The following SH3BP4 variants were observed in gnomAD, a reference collection of about 807,000 sequenced individuals.
SH3BP4 encodes SH3 domain-binding protein 4.
SH3BP4 carries 33 observed loss-of-function variants against 65.5 expected under a neutral mutation model. The ratio of observed to expected loss-of-function variants is 0.50; its 90% CI spans 0.38 to 0.67. SH3BP4 has a LOEUF of 0.67. SH3BP4 is among the 30% of genes least tolerant of loss of function. The probability of loss-of-function intolerance (pLI) is 0.00; values close to 1 mark genes in which losing one functional copy is unlikely to be tolerated. For synonymous variants in SH3BP4, 552 were observed against 545.5 expected (o/e 1.01, Z -0.17); for missense variants, 1,134 against 1,261.4 (o/e 0.90, Z 1.53).
intron 1 of SH3BP4, among the ~76,000 whole-genome samples, chr2:234,964,116 A>G (rs1574774580): frequency 6.6e-6 from 1 of 152,280 alleles, no homozygotes; most frequent in East Asian, 1.9e-4. Flanking sequence ...TATAGGTAAC[A>G]TGAGGCAGCA....
chr2:234,986,331 T>C (rs1693558842), intron 1 of SH3BP4, among the ~76,000 whole-genome samples: 1 of 152,224 alleles, frequency 6.6e-6, no homozygotes, highest in Non-Finnish European at 1.5e-5. Flanking sequence ...AACATACTGA[T>C]GTTTCCCAGA....
intron 4 of SH3BP4, among the ~76,000 whole-genome samples, chr2:235,050,003 C>T (rs1381325062): frequency 1.3e-5 from 2 of 152,104 alleles, no homozygotes; most frequent in East Asian, 3.9e-4. Flanking sequence ...ACCCACTTCC[C>T]CTCTCTCAGC....
intron 2 of SH3BP4, among the ~76,000 whole-genome samples, chr2:235,011,625 A>T (rs1694508495): frequency 6.6e-6 from 1 of 152,192 alleles, no homozygotes; most frequent in South Asian, 2.1e-4. Context: ...ACCTGCTGAG[A>T]ACAGCGACAG....
rs1217936434 is a variant in SH3BP4, at chr2:234,952,433, C to A, written c.-207+263C>A. On this transcript the variant is annotated intron_variant, in intron 1 of 5. Coordinates refer to ENST00000392011, the MANE Select transcript of SH3BP4 (RefSeq NM_014521.3). This position sits in a 1 kb window ranked among gnomAD's most constrained non-coding sequence, Gnocchi z 6.5. ...GTGGGCAGGGACCCGGCCCGGGGTTCCGGGCGCCGAGCCGCAGCCCTCCGC... is the reference window on the plus strand; with the variant it reads ...GTGGGCAGGGACCCGGCCCGGGGTTACGGGCGCCGAGCCGCAGCCCTCCGC... 6.6e-6 allele frequency among the ~76,000 whole-genome samples: 1 copy of A among 150,720 alleles called. No homozygotes were observed. Among genetic ancestry groups the A allele is most frequent in the Non-Finnish European group, 1.5e-5 (1 of 67,608 alleles).
At chr2:235,050,406 C>T (rs563698223) in intron 4 of SH3BP4, among the ~76,000 whole-genome samples, 44 of 152,040 alleles carry the variant, frequency 2.9e-4, no homozygotes, top group African/African-American at 9.2e-4. Flanking sequence ...CGTGAGCCAC[C>T]GCTCCTGGCC....
intron 3 of SH3BP4, among the ~76,000 whole-genome samples, chr2:235,036,046 T>C (rs545643365): frequency 6.6e-6 from 1 of 152,360 alleles, no homozygotes; most frequent in Non-Finnish European, 1.5e-5. Flanking sequence ...AAGTAAATGT[T>C]TCTTGAACTA....
chr2:235,047,349 C>T (rs1350905138), intron 4 of SH3BP4, among the ~76,000 whole-genome samples: 1 of 152,144 alleles, frequency 6.6e-6, no homozygotes, highest in East Asian at 1.9e-4. Flanking sequence ...TTCTTTCAGC[C>T]CCCTGATGCG....
At chr2:235,039,743 T>A (rs10929082) in intron 3 of SH3BP4, among the ~76,000 whole-genome samples, 32,974 of 152,094 alleles carry the variant, frequency 0.22, 5,146 homozygotes, top group East Asian at 0.42. Context: ...TGCTGTTTCA[T>A]TTGCCGTCTA....
intron 3 of SH3BP4, among the ~76,000 whole-genome samples, chr2:235,039,898 A>G (rs565259419): frequency 6.6e-6 from 1 of 152,344 alleles, no homozygotes; most frequent in Non-Finnish European, 1.5e-5. Context: ...TTTTCAAGGT[A>G]TGTAGACAGT....
intron 2 of SH3BP4, among the ~76,000 whole-genome samples, chr2:235,004,998 C>T (rs1485643023): frequency 6.6e-6 from 1 of 152,218 alleles, no homozygotes; most frequent in Admixed American, 6.5e-5. Context: ...GTTGAACTCA[C>T]TGTTGGCATG....
At chr2:234,966,838 G>A (rs576697755) in intron 1 of SH3BP4, among the ~76,000 whole-genome samples, 7 of 152,246 alleles carry the variant, frequency 4.6e-5, no homozygotes, top group South Asian at 2.1e-4. Flanking sequence ...TTGCCTGTCT[G>A]GCAGAAAATG....
intron 2 of SH3BP4, among the ~76,000 whole-genome samples, chr2:235,022,028 G>A (rs569411138): frequency 6.6e-6 from 1 of 152,236 alleles, no homozygotes; most frequent in Admixed American, 6.5e-5. Context: ...AAGGAAAATA[G>A]ATGTGAATGT....
rs1300775148 is a variant in SH3BP4 at position 235,043,121 on chromosome 2, C to A, written c.2352C>A (p.Thr784=). Residue 784 remains threonine (T), a synonymous_variant, in exon 4 of 6, where the codon ACC becomes ACA. Coordinates refer to ENST00000392011, the MANE Select transcript of SH3BP4 (RefSeq NM_014521.3). The part of the protein sequence containing the change: ...DALGYVNLPL[T]FFCRAELDSE... ...TGGGCTACGTGAACCTGCCGCTCAC[C>A]TTTTTCTGCCGGGCAGAGCTGGATA... 4.3e-6 allele frequency: 7 copies of A among 1,613,648 alleles called. No individual in the cohort carries two copies. The East Asian group carries it at 1.1e-4, about 26-fold the overall frequency.
intron 2 of SH3BP4, among the ~76,000 whole-genome samples, chr2:235,009,158 G>A (rs916848824): frequency 3.3e-5 from 5 of 152,182 alleles, no homozygotes; most frequent in Admixed American, 3.3e-4. Context: ...GCACCTGAAG[G>A]ACTATTACTT....
At chr2:234,983,062 T>C (rs952099183) in intron 1 of SH3BP4, among the ~76,000 whole-genome samples, 3 of 152,188 alleles carry the variant, frequency 2.0e-5, no homozygotes, top group Non-Finnish European at 2.9e-5. Context: ...GCAGGTGCTA[T>C]TGATGCAGCT....
In SH3BP4 at chr2:235,053,352, C is replaced by G. The variant is rs76349384; in HGVS notation, c.2668-240C>G. Among the ~76,000 whole-genome samples, 592 of 152,322 alleles carry G rather than the reference C, an allele frequency of 3.9e-3. 1 individual carries two copies. The highest frequency in any genetic ancestry group is 7.2e-3 in the Non-Finnish European group (489 of 68,026). On this transcript the variant is annotated intron_variant, in intron 5 of 5. Transcript: ENST00000392011. ...GATTGTAAGGAAAGAGAAGTCCTTT[C>G]TGTTTATTCATTTGTTGCGCACCTA...
intron 1 of SH3BP4, among the ~76,000 whole-genome samples, chr2:234,988,136 T>C (rs1367103607): frequency 2.0e-5 from 3 of 152,166 alleles, no homozygotes; most frequent in Non-Finnish European, 4.4e-5. Flanking sequence ...CCCGCCTCAC[T>C]GCATCCTTCG....
intron 2 of SH3BP4, among the ~76,000 whole-genome samples, chr2:235,022,608 C>T (rs891606873): frequency 1.3e-5 from 2 of 152,072 alleles, no homozygotes; most frequent in Non-Finnish European, 2.9e-5. Flanking sequence ...GCGGGTGAAT[C>T]GAGACATTGA....
At chr2:235,040,543 T>C (rs1695597684) in intron 3 of SH3BP4, among the ~76,000 whole-genome samples, 1 of 151,186 alleles carries the variant, frequency 6.6e-6, no homozygotes, top group African/African-American at 2.4e-5. Context: ...TAGTAGCAGT[T>C]CTTTTAAGAA....
Sources: allele counts gnomAD v4.1 joint callset (sites outside exome capture counted in the v4.1 genomes callset), GRCh38; gene constraint gnomAD v4.1.1; non-coding constraint Gnocchi (gnomAD v3.1); transcripts MANE v1.5; gene names NCBI Gene and HGNC (gene_info 2026-07-23, HGNC 2026-07-21).